Variants in TCF12 observed in about 807,000 individuals in gnomAD.
TCF12 encodes transcription factor 12.
In TCF12, 45 loss-of-function variants were observed where a neutral mutation model predicts 86.0. The observed-to-expected ratio is 0.52, with a 90% CI of 0.41 to 0.67. The LOEUF (loss-of-function observed/expected upper bound fraction) is 0.67. Among genes scored for constraint, TCF12 ranks in the 30% least tolerant of loss-of-function variants. The pLI, the probability that TCF12 is intolerant of heterozygous loss-of-function variation, is 0.00. For synonymous variants in TCF12, 330 were observed against 299.6 expected (o/e 1.10, Z -1.05); for missense variants, 881 against 859.9 (o/e 1.02, Z -0.31).
intron 4 of TCF12, among the ~76,000 whole-genome samples, chr15:57,079,167 G>A (rs1352111820): frequency 6.6e-6 from 1 of 152,124 alleles, no homozygotes; most frequent in African/African-American, 2.4e-5. Context: ...TTAATTACAT[G>A]TATTAGCTGA....
intron 3 of TCF12, among the ~76,000 whole-genome samples, chr15:57,043,130 T>G (rs1012279550): frequency 4.6e-5 from 7 of 152,208 alleles, no homozygotes; most frequent in African/African-American, 1.7e-4. Flanking sequence ...GTGTACCACA[T>G]TTTCTTTATT....
chr15:57,261,657 G>A lies in TCF12; in HGVS notation c.1468-437G>A, dbSNP rs183665113. On this transcript the variant is annotated intron_variant, in intron 16 of 20. Transcript: ENST00000333725. ...TAAGTTAATACTGCAATAGCTGACT[G>A]TTTGATGGTGTTTGCATTGCTTGGA... is the stretch of plus-strand genomic sequence containing the variant. 1.2e-3 allele frequency among the ~76,000 whole-genome samples: 177 copies of A among 152,250 alleles called. 1 individual carries two copies. The highest frequency in any genetic ancestry group is 4.0e-3 in the African/African-American group (165 of 41,562).
At chr15:57,280,637 A>C (rs2061644245) in intron 19 of TCF12, among the ~76,000 whole-genome samples, 2 of 152,092 alleles carry the variant, frequency 1.3e-5, no homozygotes, top group South Asian at 4.2e-4. Context: ...TGACAGGCTG[A>C]GGTGGGAGGA....
chr15:57,108,730 G>A (rs2050296006), intron 5 of TCF12, among the ~76,000 whole-genome samples: 1 of 152,024 alleles, frequency 6.6e-6, no homozygotes, highest in Non-Finnish European at 1.5e-5. Context: ...ATGTCAGTGA[G>A]CTAATTCATA....
chr15:57,036,535 G>A (rs939409612), intron 3 of TCF12, among the ~76,000 whole-genome samples: 7 of 152,034 alleles, frequency 4.6e-5, no homozygotes, highest in Admixed American at 2.6e-4. Flanking sequence ...TTTAATTATA[G>A]CCTGCCTAGT....
Position 57,234,127 on chromosome 15 carries a change from A to G in TCF12, c.1035+20A>G. 6.3e-7 allele frequency: 1 copy of G among 1,598,338 alleles called. No individual in the cohort carries two copies. Among genetic ancestry groups the G allele is most frequent in the Non-Finnish European group, 8.6e-7 (1 of 1,165,928 alleles). On this transcript the variant is annotated intron_variant, in intron 12 of 20. Coordinates refer to ENST00000333725, the MANE Select transcript of TCF12 (RefSeq NM_207037.2). ...GCATCTGTGAGTATTGATTTTACACATTCTACTGAATGAATTTTACACTAC... is the reference window on the plus strand; with the variant it reads ...GCATCTGTGAGTATTGATTTTACACGTTCTACTGAATGAATTTTACACTAC...
intron 3 of TCF12, among the ~76,000 whole-genome samples, chr15:57,033,757 A>G (rs1399452780): frequency 6.6e-6 from 1 of 152,164 alleles, no homozygotes; most frequent in Non-Finnish European, 1.5e-5. Flanking sequence ...CTAAAGATGT[A>G]CCATTAACTA....
At chr15:57,077,655 C>T (rs1261112788) in intron 4 of TCF12, among the ~76,000 whole-genome samples, 2 of 150,186 alleles carry the variant, frequency 1.3e-5, no homozygotes, top group African/African-American at 4.9e-5. Context: ...TGGTCTCGAA[C>T]TCCTGACCTG....
At chr15:57,151,877 G>A (rs1224927320) in intron 5 of TCF12, among the ~76,000 whole-genome samples, 3 of 152,180 alleles carry the variant, frequency 2.0e-5, no homozygotes, top group Admixed American at 6.5e-5. Context: ...TAAAACAGCA[G>A]AGAACTACCT....
At chr15:57,041,980 G>T (rs1222901585) in intron 3 of TCF12, among the ~76,000 whole-genome samples, 1 of 152,066 alleles carries the variant, frequency 6.6e-6, no homozygotes, top group African/African-American at 2.4e-5. Context: ...CCTTGGATTG[G>T]GACCTGTAAT....
At position 57,227,671 on chromosome 15, in the gene TCF12, GT is replaced by G. The variant is rs527657035; in HGVS notation, c.580-3479del. Among the ~76,000 whole-genome samples, 938 of 152,132 alleles carry G rather than the reference GT, an allele frequency of 6.2e-3. 3 individuals carry two copies. The highest frequency in any genetic ancestry group is 9.8e-3 in the Non-Finnish European group (666 of 67,938). On this transcript the variant is annotated intron_variant, in intron 8 of 20. Coordinates refer to ENST00000333725, the MANE Select transcript of TCF12 (RefSeq NM_207037.2). ...TAGATTTTCTATTTTATTCTTCCAAGTTAGAACTGTCTGTTCACCACACATT... is the reference window on the plus strand; with the variant it reads ...TAGATTTTCTATTTTATTCTTCCAAGTAGAACTGTCTGTTCACCACACATT...
chr15:57,013,662 G>A (rs1596118126), intron 3 of TCF12, among the ~76,000 whole-genome samples: 1 of 152,104 alleles, frequency 6.6e-6, no homozygotes, highest in Non-Finnish European at 1.5e-5. Context: ...ATGAAGATCC[G>A]AGCCTGAAAC....
chr15:57,025,987 TG>T (rs1778147964), intron 3 of TCF12, among the ~76,000 whole-genome samples: 1 of 152,204 alleles, frequency 6.6e-6, no homozygotes, highest in Non-Finnish European at 1.5e-5. Context: ...AAACTGGGAA[TG>T]GGAAGACTGA....
At chr15:57,222,478 A>T (rs1597413071) in intron 8 of TCF12, among the ~76,000 whole-genome samples, 2 of 152,038 alleles carry the variant, frequency 1.3e-5, no homozygotes, top group South Asian at 4.1e-4. Context: ...GTTTTGTATT[A>T]TATGTAATTT....
At chr15:56,977,816 C>T (rs191902812) in intron 3 of TCF12, among the ~76,000 whole-genome samples, 24 of 152,212 alleles carry the variant, frequency 1.6e-4, no homozygotes, top group Admixed American at 1.1e-3. Flanking sequence ...TAGAGCTTCT[C>T]AAATTGTAGC....
intron 8 of TCF12, among the ~76,000 whole-genome samples, chr15:57,210,208 A>C (rs2058043334): frequency 6.6e-6 from 1 of 151,922 alleles, no homozygotes; most frequent in African/African-American, 2.4e-5. Context: ...CAGATACTTA[A>C]TAACTATTTG....
At chr15:57,065,947 A>G (rs2068839507) in intron 4 of TCF12, among the ~76,000 whole-genome samples, 1 of 152,120 alleles carries the variant, frequency 6.6e-6, no homozygotes, top group African/African-American at 2.4e-5. Flanking sequence ...TGAAGATTTA[A>G]TGCTACCCTT....
chr15:57,091,922 C>T (rs373737594), intron 5 of TCF12, 31 bp downstream of exon 5: 1 of 1,563,160 alleles, frequency 6.4e-7, no homozygotes, highest in Admixed American at 1.7e-5. Context: ...AAGTAGTCTT[C>T]TCAAAGCTTC....
chr15:57,273,505 G>T (rs1317073366), intron 19 of TCF12, among the ~76,000 whole-genome samples: 1 of 151,706 alleles, frequency 6.6e-6, no homozygotes, highest in Non-Finnish European at 1.5e-5. Context: ...ATAACAAACA[G>T]CCTCTGCCTG....
Sources: allele counts gnomAD v4.1 joint callset (sites outside exome capture counted in the v4.1 genomes callset), GRCh38; gene constraint gnomAD v4.1.1; transcripts MANE v1.5; gene names NCBI Gene and HGNC (gene_info 2026-07-23, HGNC 2026-07-21).